Variants in ATP11B observed in about 807,000 individuals in gnomAD.
The protein encoded by ATP11B is ATPase phospholipid transporting 11B (putative).
In ATP11B, 81 loss-of-function variants were observed where a neutral mutation model predicts 157.8. The observed-to-expected ratio is 0.51, with a 90% confidence interval of 0.43 to 0.62. ATP11B has a LOEUF of 0.62. Among genes scored for constraint, ATP11B ranks in the 20% least tolerant of loss-of-function variants. The pLI is 0.00. For synonymous variants in ATP11B, 451 were observed against 469.4 expected (o/e 0.96, Z 0.51); for missense variants, 1,165 against 1,402.2 (o/e 0.83, Z 2.70).
At position 182,831,595 on chromosome 3, in the gene ATP11B, C is replaced by T. The variant is rs577554944; in HGVS notation, c.315+1843C>T. On this transcript the variant is annotated intron_variant, in intron 4 of 29. Coordinates refer to ENST00000323116, the MANE Select transcript of ATP11B (RefSeq NM_014616.3). ...CCTACCATTTTTTTTTTTAAACTCA[C>T]TGTGCTGCAGCTACACTCCTCTACT... is the stretch of plus-strand genomic sequence containing the variant. 5.9e-5 allele frequency among the ~76,000 whole-genome samples: 9 copies of T among 151,544 alleles called. No homozygotes were observed. In the South Asian group the frequency reaches 1.7e-3, roughly 28 times the overall value.
At chr3:182,836,497 C>G in intron 6 of ATP11B, 27 bp downstream of exon 6, 1 of 1,613,006 alleles carries the variant, frequency 6.2e-7, no homozygotes, top group Non-Finnish European at 8.5e-7. Context: ...TTGAGTATTG[C>G]TCTTGGTGAA....
rs1470925964 is a variant in ATP11B at position 182,904,620 on chromosome 3, G to C, written c.3318+5848G>C. Among the ~76,000 whole-genome samples, 4 of 152,236 alleles carry C rather than the reference G, an allele frequency of 2.6e-5. No individual in the cohort carries two copies. The East Asian group carries it at 7.7e-4, about 29-fold the overall frequency. ...TAAGGATGATTAAGGCCAGGCAGTG[G>C]CTCACACCTGTAATCCCAGCATTTT... is the stretch of plus-strand genomic sequence containing the variant. On this transcript the variant is annotated intron_variant, in intron 28 of 29. Transcript: ENST00000323116.
intron 2 of ATP11B, among the ~76,000 whole-genome samples, chr3:182,826,948 C>T (rs2108503403): frequency 6.6e-6 from 1 of 152,262 alleles, no homozygotes; most frequent in South Asian, 2.1e-4. Context: ...TGGTCAGTAA[C>T]CATTGAGGCC....
chr3:182,906,029 A>T, intron 28 of ATP11B: 1 of 337,966 alleles, frequency 3.0e-6, no homozygotes, highest in Non-Finnish European at 6.0e-6. Flanking sequence ...TAATTCCTTC[A>T]CTGTTCCTCA....
chr3:182,920,843 C>A lies in ATP11B; in HGVS notation c.*2739C>A, dbSNP rs1292999472. ...AGAATTTATGGTCTGAATTTTCTAA[C>A]TGTCCTCTTTCTTGGGTCTAAAGCT... On this transcript the variant is annotated 3_prime_UTR_variant, in exon 30 of 30. Transcript: ENST00000323116. 3.3e-5 allele frequency: 5 copies of A among 152,286 alleles called. No individual in the cohort carries two copies. The highest frequency in any genetic ancestry group is 1.2e-4 in the African/African-American group (5 of 41,460). 9.4% of individuals were successfully genotyped at this position (152,286 alleles called of 1,614,324 possible).
At position 182,918,453 on chromosome 3, in the gene ATP11B, G is replaced by C. The variant is rs2108601575; in HGVS notation, c.*349G>C. ...GAAAAAAGAGAGAAATCTTAGTAAA[G>C]AGTATTTTTTAGTATTAGCTTGATT... On this transcript the variant is annotated 3_prime_UTR_variant, in exon 30 of 30. Transcript: ENST00000323116. 1 of 398,700 alleles carries C rather than the reference G, an allele frequency of 2.5e-6. No homozygotes were observed. Among genetic ancestry groups the C allele is most frequent in the East Asian group, 3.6e-5 (1 of 28,052 alleles). The allele number at this position is 398,700 out of a possible 1,614,324, so 24.7% of individuals were successfully genotyped here.
intron 23 of ATP11B, among the ~76,000 whole-genome samples, 163 bp from the exon 24 acceptor site, chr3:182,887,423 C>T (rs1300351593): frequency 6.6e-6 from 1 of 152,066 alleles, no homozygotes; most frequent in Non-Finnish European, 1.5e-5. Context: ...ATGTTTATGT[C>T]AGTATTAAAA....
At chr3:182,800,129 AAAAG>A (rs796848715) in intron 1 of ATP11B, among the ~76,000 whole-genome samples, 138 of 152,292 alleles carry the variant, frequency 9.1e-4, no homozygotes, top group African/African-American at 3.2e-3. Flanking sequence ...AAAATTAAAA[AAAAG>A]AAAGAAACAA....
At chr3:182,873,408 AC>A (rs1316135787) in intron 18 of ATP11B, among the ~76,000 whole-genome samples, 1 of 152,184 alleles carries the variant, frequency 6.6e-6, no homozygotes. Flanking sequence ...TTTATTTTCT[AC>A]AGTCTGATTT....
chr3:182,865,848 T>C, intron 13 of ATP11B, 150 bp downstream of exon 13: 1 of 680,518 alleles, frequency 1.5e-6, no homozygotes, highest in South Asian at 2.2e-5. Context: ...TAAAATATAA[T>C]CCTAAGAATT....
intron 4 of ATP11B, among the ~76,000 whole-genome samples, chr3:182,830,372 T>G (rs112462305): frequency 6.6e-6 from 1 of 152,046 alleles, no homozygotes; most frequent in African/African-American, 2.4e-5. Flanking sequence ...TACAACTTTC[T>G]CTTATGAGTT....
intron 25 of ATP11B, among the ~76,000 whole-genome samples, chr3:182,892,066 C>T (rs1055660835): frequency 5.3e-5 from 8 of 152,126 alleles, no homozygotes; most frequent in African/African-American, 9.7e-5. Context: ...CAATCCCACC[C>T]GGTCTAATTC....
At chr3:182,872,720 C>T (rs768798131) in intron 18 of ATP11B, among the ~76,000 whole-genome samples, 183 bp downstream of exon 18, 5 of 152,162 alleles carry the variant, frequency 3.3e-5, no homozygotes, top group African/African-American at 1.2e-4. Flanking sequence ...AGCTAGATAC[C>T]TGAAATGGAT....
At chr3:182,886,705 A>C (rs559644290) in intron 23 of ATP11B, among the ~76,000 whole-genome samples, 1 of 152,334 alleles carries the variant, frequency 6.6e-6, no homozygotes, top group South Asian at 2.1e-4. Context: ...CTTCTGACTA[A>C]TGTGGCAGGC....
chr3:182,892,653 T>G (rs2108573239), intron 25 of ATP11B, among the ~76,000 whole-genome samples: 1 of 152,358 alleles, frequency 6.6e-6, no homozygotes, highest in South Asian at 2.1e-4. Context: ...ACTAATTCTT[T>G]CAGTTTAGCT....
intron 8 of ATP11B, chr3:182,844,766 G>A (rs1168340446): frequency 1.2e-5 from 2 of 162,330 alleles, no homozygotes; most frequent in East Asian, 1.9e-4. Context: ...TTTCAAAGCT[G>A]TTTATTAACT....
At chr3:182,810,048 T>TA (rs976997083) in intron 1 of ATP11B, among the ~76,000 whole-genome samples, 1 of 152,176 alleles carries the variant, frequency 6.6e-6, no homozygotes, top group African/African-American at 2.4e-5. Context: ...TTCTGTTTTT[T>TA]AAAAATACAT....
Position 182,824,071 on chromosome 3 carries a change from A to G in ATP11B, c.144+3695A>G, listed in dbSNP as rs575714139. On this transcript the variant is annotated intron_variant, in intron 2 of 29. Coordinates refer to ENST00000323116, the MANE Select transcript of ATP11B (RefSeq NM_014616.3). ...AGTTTTTTCTTTTCTAGAATTTCAT[A>G]TAATACAACACAAGTCTTTTGTGCC... 1.6e-4 allele frequency among the ~76,000 whole-genome samples: 24 copies of G among 152,170 alleles called. No homozygotes were observed. In the East Asian group the frequency reaches 3.3e-3, roughly 21 times the overall value.
intron 12 of ATP11B, among the ~76,000 whole-genome samples, chr3:182,862,466 C>T (rs2108537791): frequency 6.6e-6 from 1 of 152,248 alleles, no homozygotes; most frequent in East Asian, 1.9e-4. Flanking sequence ...GTTCAGCTGT[C>T]TGCGGAGACC....
Sources: allele counts gnomAD v4.1 joint callset (sites outside exome capture counted in the v4.1 genomes callset), GRCh38; gene constraint gnomAD v4.1.1; transcripts MANE v1.5; gene names NCBI Gene and HGNC (gene_info 2026-07-23, HGNC 2026-07-21).